Variants in LTV1 observed in about 807,000 individuals in gnomAD.
The protein encoded by LTV1 is LTV1 ribosome biogenesis factor, also known as protein LTV1 homolog.
Under a neutral mutation model 59.9 loss-of-function variants are expected in LTV1, and 39 were observed. That is an observed-to-expected ratio of 0.65 (90% confidence interval 0.50 to 0.85). LTV1 has a LOEUF of 0.85. Among genes scored for constraint, LTV1 ranks in the 40% least tolerant of loss-of-function variants. LTV1 has a pLI of 0.00. For synonymous variants in LTV1, 171 were observed against 189.5 expected, an observed-to-expected ratio of 0.90 and a Z score of 0.80; for missense variants, 493 against 549.1, an observed-to-expected ratio of 0.90 and a Z score of 1.02.
rs1386880372 is a variant in LTV1, at chr6:143,843,357, C to G, written c.-121C>G. The G allele has an allele frequency of 2.4e-6, 3 of 1,246,070 alleles. No homozygotes were observed. The highest frequency in any genetic ancestry group is 2.9e-5 in the African/African-American group (2 of 67,814). 77.2% of individuals were successfully genotyped at this position (1,246,070 alleles called of 1,614,324 possible). On this transcript the variant is annotated 5_prime_UTR_variant, in exon 1 of 11. Transcript: ENST00000367576. ...GGCTGGGTGACGTTATCGCCGGGTC[C>G]TGGGGCTGCACGTGTGGTGAGGCCT... is the stretch of plus-strand genomic sequence containing the variant.
At position 143,854,285 on chromosome 6, in the gene LTV1, C is replaced by T. The variant is rs139806540; in HGVS notation, c.398-3018C>T. Among the ~76,000 whole-genome samples, 1,500 of 152,194 alleles carry T rather than the reference C, an allele frequency of 9.9e-3. 15 individuals carry two copies. Among genetic ancestry groups the T allele is most frequent in the Middle Eastern group, 0.031 (9 of 294 alleles). On this transcript the variant is annotated intron_variant, in intron 4 of 10. Transcript: ENST00000367576. Reference sequence around the variant, plus strand: ...ATGGTAATTTGTATTTCTGTGGGATCGGTGGTGATATCCCCTTTATCAATT... The same window carrying T: ...ATGGTAATTTGTATTTCTGTGGGATTGGTGGTGATATCCCCTTTATCAATT...
intron 4 of LTV1, among the ~76,000 whole-genome samples, chr6:143,856,009 A>G (rs147118940): frequency 0.032 from 4,857 of 152,212 alleles, 89 homozygotes; most frequent in South Asian, 0.079. Flanking sequence ...TCTCCTGGAT[A>G]ATATCCTGAA....
rs1777213154 is a variant in LTV1 at position 143,863,595 on chromosome 6, T to G, written c.*68T>G. 3.9e-6 allele frequency: 4 copies of G among 1,016,828 alleles called. No individual in the cohort carries two copies. Among genetic ancestry groups the G allele is most frequent in the African/African-American group, 1.6e-5 (1 of 61,882 alleles). The allele number at this position is 1,016,828 out of a possible 1,614,324, so 63.0% of individuals were successfully genotyped here. A position where few individuals can be genotyped will look rare whatever the true frequency, so the allele number is the denominator to read the frequency against. On this transcript the variant is annotated 3_prime_UTR_variant, in exon 11 of 11. Transcript: ENST00000367576. This position sits in a 1 kb window ranked among gnomAD's most constrained non-coding sequence, Gnocchi z 4.5. ...CATCTTTGGTTATTGACTAGAAACTTCAGAAAGACAAAACTGTTTGCCATT... is the reference window on the plus strand; with the variant it reads ...CATCTTTGGTTATTGACTAGAAACTGCAGAAAGACAAAACTGTTTGCCATT...
At position 143,863,619 on chromosome 6, in the gene LTV1, T is replaced by C. The variant is rs539807753; in HGVS notation, c.*92T>C. ...TTCAGAAAGACAAAACTGTTTGCCATTTTTACTGGCAGATAAGAGGAAAAT... is the reference window on the plus strand; with the variant it reads ...TTCAGAAAGACAAAACTGTTTGCCACTTTTACTGGCAGATAAGAGGAAAAT... On this transcript the variant is annotated 3_prime_UTR_variant, in exon 11 of 11. Transcript: ENST00000367576. This position sits in a 1 kb window ranked among gnomAD's most constrained non-coding sequence, Gnocchi z 4.5. 130 of 742,114 alleles carry C rather than the reference T, an allele frequency of 1.8e-4. No homozygotes were observed. The African/African-American group carries it at 2.2e-3, about 13-fold the overall frequency. The allele number at this position is 742,114 out of a possible 1,614,324, so 46.0% of individuals were successfully genotyped here.
At chr6:143,848,428 T>A (rs530070832) in intron 3 of LTV1, among the ~76,000 whole-genome samples, 3 of 152,266 alleles carry the variant, frequency 2.0e-5, no homozygotes, top group African/African-American at 7.2e-5. Flanking sequence ...ACTGAGAAAC[T>A]CATTTTGGAA....
chr6:143,862,052 A>G lies in LTV1; in HGVS notation c.924-52A>G. On this transcript the variant is annotated intron_variant, in intron 7 of 10. Transcript: ENST00000367576. This position sits in a 1 kb window ranked among gnomAD's most constrained non-coding sequence, Gnocchi z 4.2. ...GCAGTTTTAGTGACATAGTATAATA[A>G]TAGGTCATTTTTCCCCCTCTTGGTC... 6.3e-7 allele frequency: 1 copy of G among 1,575,222 alleles called. No homozygotes were observed. Among genetic ancestry groups the G allele is most frequent in the South Asian group, 1.2e-5 (1 of 85,720 alleles).
rs1777198403 is a variant in LTV1 at position 143,863,119 on chromosome 6, A to T, written c.1150A>T (p.Ile384Leu). The T allele has an allele frequency of 9.9e-6, 16 of 1,613,974 alleles. No homozygotes were observed. Among genetic ancestry groups the T allele is most frequent in the African/African-American group, 1.3e-5 (1 of 75,052 alleles). Residue 384 changes from isoleucine (I) to leucine (L), a missense_variant, in exon 10 of 11, where the codon ATA (isoleucine) becomes TTA (leucine). Coordinates refer to ENST00000367576, the MANE Select transcript of LTV1 (RefSeq NM_032860.5). The surrounding 1 kb of genome is among the most constrained non-coding windows in gnomAD (Gnocchi z 4.5). Reference protein sequence around the residue: ...KQIRISSKTGIPLNVLPKKGL... With the variant: ...KQIRISSKTGLPLNVLPKKGL... ...AATTCGAATATCTTCTAAAACAGGA[A>T]TACCTCTCAATGTCTTACCAAAGAA...
At chr6:143,851,819 C>T (rs889914220) in intron 4 of LTV1, among the ~76,000 whole-genome samples, 2 of 151,976 alleles carry the variant, frequency 1.3e-5, no homozygotes, top group African/African-American at 4.8e-5. Context: ...TGAGAACATG[C>T]GGTGTTTGGT....
At chr6:143,850,045 A>G (rs2128491211) in intron 3 of LTV1, 86 bp from the exon 4 acceptor site, 1 of 990,270 alleles carries the variant, frequency 1.0e-6, no homozygotes, top group African/African-American at 1.6e-5. Flanking sequence ...CTGGATGGAC[A>G]TTGATTTGGG....
At chr6:143,856,866 AT>A (rs1690206612) in intron 4 of LTV1, among the ~76,000 whole-genome samples, 1 of 152,188 alleles carries the variant, frequency 6.6e-6, no homozygotes, top group Non-Finnish European at 1.5e-5. Flanking sequence ...TGAGGTGTCT[AT>A]TGACCCCTGA....
At position 143,857,957 on chromosome 6, in the gene LTV1, G is replaced by C; in HGVS notation, c.745G>C (p.Val249Leu). Residue 249 changes from valine to leucine, a missense_variant, in exon 6 of 11, where the codon GTC (valine) becomes CTC (leucine). Transcript: ENST00000367576. The surrounding 1 kb of genome is among the most constrained non-coding windows in gnomAD (Gnocchi z 5.2). Reference sequence around the variant, plus strand: ...CACGGAGTATTCGATGACTTCCTCAGTCATGAGGAGAAATGAACAGCTGAC... The same window carrying C: ...CACGGAGTATTCGATGACTTCCTCACTCATGAGGAGAAATGAACAGCTGAC... ...RFTEYSMTSSVMRRNEQLTLH... is the reference protein window; with the variant it reads ...RFTEYSMTSSLMRRNEQLTLH... The C allele has an allele frequency of 1.2e-6, 2 of 1,613,858 alleles. No homozygotes were observed. Among genetic ancestry groups the C allele is most frequent in the Non-Finnish European group, 1.7e-6 (2 of 1,179,766 alleles).
rs995235377 is a variant in LTV1, at chr6:143,843,592, T to A, written c.3+112T>A. 5.0e-6 allele frequency: 7 copies of A among 1,399,706 alleles called. No homozygotes were observed. In the Admixed American group the frequency reaches 5.6e-5, roughly 11 times the overall value. 86.7% of individuals were successfully genotyped at this position (1,399,706 alleles called of 1,614,324 possible). A position where few individuals can be genotyped will look rare whatever the true frequency, so the allele number is the denominator to read the frequency against. Reference sequence around the variant, plus strand: ...CCCGGGTCTGGGTCATGCCAGAGGCTGCTTGCGGCACGGTACCCCGAAATG... The same window carrying A: ...CCCGGGTCTGGGTCATGCCAGAGGCAGCTTGCGGCACGGTACCCCGAAATG... On this transcript the variant is annotated intron_variant, in intron 1 of 10. Coordinates refer to ENST00000367576, the MANE Select transcript of LTV1 (RefSeq NM_032860.5).
At chr6:143,845,942 T>C in intron 2 of LTV1, 109 bp from the exon 3 acceptor site, 1 of 985,978 alleles carries the variant, frequency 1.0e-6, no homozygotes. Flanking sequence ...GCCTCCTACT[T>C]GGAAAGCTGT....
chr6:143,854,945 G>A (rs926271562), intron 4 of LTV1, among the ~76,000 whole-genome samples: 5 of 152,122 alleles, frequency 3.3e-5, no homozygotes, highest in South Asian at 2.1e-4. Flanking sequence ...GGAGAGTTAC[G>A]TCACTGTCTA....
At chr6:143,852,749 G>T (rs909335467) in intron 4 of LTV1, among the ~76,000 whole-genome samples, 1 of 152,150 alleles carries the variant, frequency 6.6e-6, no homozygotes, top group Non-Finnish European at 1.5e-5. Flanking sequence ...TTTTGTATAA[G>T]GTGTAAAGAA....
chr6:143,863,108 C>G lies in LTV1; in HGVS notation c.1139C>G (p.Ser380Cys). ...QPKPKQIRISSKTGIPLNVLP... is the reference protein window; with the variant it reads ...QPKPKQIRISCKTGIPLNVLP... ...CAGCCCAAACAAATTCGAATATCTT[C>G]TAAAACAGGAATACCTCTCAATGTC... The change falls in exon 10 of 11, where the codon TCT becomes TGT. Residue 380 changes from serine to cysteine, a missense_variant. Ser to Cys is a moderately radical substitution (Grantham distance 112). Coordinates refer to ENST00000367576, the MANE Select transcript of LTV1 (RefSeq NM_032860.5). The surrounding 1 kb of genome is among the most constrained non-coding windows in gnomAD (Gnocchi z 4.5). The G allele has an allele frequency of 6.2e-7, 1 of 1,613,806 alleles. No homozygotes were observed. The highest frequency in any genetic ancestry group is 1.1e-5 in the South Asian group (1 of 91,052).
intron 1 of LTV1, 124 bp from the exon 2 acceptor site, chr6:143,844,362 A>T: frequency 1.0e-6 from 1 of 1,002,866 alleles, no homozygotes; most frequent in Non-Finnish European, 1.5e-6. Context: ...TGCCTGCCCT[A>T]GAAGTGTAGA....
At chr6:143,849,034 C>A (rs1180215467) in intron 3 of LTV1, among the ~76,000 whole-genome samples, 1 of 152,040 alleles carries the variant, frequency 6.6e-6, no homozygotes, top group Non-Finnish European at 1.5e-5. Flanking sequence ...AGAACCAGGG[C>A]CTTAAATACA....
At chr6:143,845,069 C>CT (rs897949671) in intron 2 of LTV1, among the ~76,000 whole-genome samples, 1 of 152,146 alleles carries the variant, frequency 6.6e-6, no homozygotes, top group Admixed American at 6.6e-5. Flanking sequence ...TGTGCTTTCT[C>CT]TAAGATCCTG....
Sources: gnomAD v4.1 joint callset for allele counts (sites outside exome capture counted in the v4.1 genomes callset) on GRCh38, gnomAD v4.1.1 for gene constraint, Gnocchi (gnomAD v3.1) non-coding constraint, MANE v1.5 for transcripts, NCBI Gene and HGNC (gene_info 2026-07-23, HGNC 2026-07-21) for gene names.